The following VPS50 variants were observed in gnomAD, a reference collection of about 807,000 sequenced individuals.
VPS50 encodes syndetin.
Under a neutral mutation model 139.7 loss-of-function variants are expected in VPS50, and 70 were observed. The observed-to-expected ratio is 0.50, with a 90% confidence interval of 0.41 to 0.61. The LOEUF (loss-of-function observed/expected upper bound fraction) is 0.61. VPS50 is among the 20% of genes least tolerant of loss of function. The pLI is 0.00. For missense variants in VPS50, 921 were observed against 1,133.7 expected, an observed-to-expected ratio of 0.81 and a Z score of 2.69; for synonymous variants, 365 against 376.7, an observed-to-expected ratio of 0.97 and a Z score of 0.36.
At chr7:93,238,654 C>A (rs1253562334) in intron 1 of VPS50, among the ~76,000 whole-genome samples, 1 of 152,110 alleles carries the variant, frequency 6.6e-6, no homozygotes. Flanking sequence ...AAAACCTATT[C>A]ATTAGGTTTA....
intron 20 of VPS50, among the ~76,000 whole-genome samples, chr7:93,316,586 T>C (rs1797436101): frequency 6.6e-6 from 1 of 152,160 alleles, no homozygotes; most frequent in African/African-American, 2.4e-5. Flanking sequence ...TGATGAGCGA[T>C]CACTCAGATT....
intron 2 of VPS50, among the ~76,000 whole-genome samples, chr7:93,251,811 G>T (rs1365275442): frequency 6.6e-6 from 1 of 152,086 alleles, no homozygotes; most frequent in Non-Finnish European, 1.5e-5. Context: ...TGTATTTGAG[G>T]TTAATTTGAA....
At chr7:93,238,298 CT>C (rs201196412) in intron 1 of VPS50, among the ~76,000 whole-genome samples, 215 of 143,154 alleles carry the variant, frequency 1.5e-3, no homozygotes, top group East Asian at 5.4e-3. Context: ...CTCCTTAGGC[CT>C]TTTTTTTTTT....
At chr7:93,350,563 G>A (rs1167316836) in intron 25 of VPS50, among the ~76,000 whole-genome samples, 1 of 152,160 alleles carries the variant, frequency 6.6e-6, no homozygotes, top group Non-Finnish European at 1.5e-5. Context: ...CACGCTGATA[G>A]AAGTGCTGGC....
At chr7:93,233,240 C>G (rs1195407255) in intron 1 of VPS50, among the ~76,000 whole-genome samples, 1 of 152,098 alleles carries the variant, frequency 6.6e-6, no homozygotes, top group African/African-American at 2.4e-5. Flanking sequence ...CAGAAATTTT[C>G]TTTTATGTAC....
intron 13 of VPS50, among the ~76,000 whole-genome samples, chr7:93,294,202 C>T (rs889920058): frequency 6.6e-6 from 1 of 151,842 alleles, no homozygotes; most frequent in Non-Finnish European, 1.5e-5. Context: ...GTTAATTGGT[C>T]CTGTAATGCC....
At chr7:93,350,077 A>T (rs1427852435) in intron 25 of VPS50, 44 bp downstream of exon 25, 1 of 1,422,132 alleles carries the variant, frequency 7.0e-7, no homozygotes, top group Admixed American at 1.8e-5. Flanking sequence ...CAATCTACTA[A>T]GAGAAGTGTT....
intron 8 of VPS50, chr7:93,259,338 A>G (rs1795594737): frequency 2.6e-6 from 1 of 385,274 alleles, no homozygotes; most frequent in Non-Finnish European, 4.6e-6. Context: ...AAGGAATAGA[A>G]TATTTTAAAT....
At chr7:93,255,225 C>T (rs1045127256) in intron 4 of VPS50, among the ~76,000 whole-genome samples, 1 of 151,794 alleles carries the variant, frequency 6.6e-6, no homozygotes, top group Non-Finnish European at 1.5e-5. Context: ...CAGTGGAATC[C>T]CTGAGCTTGT....
At chr7:93,243,840 A>G (rs1242855752) in intron 2 of VPS50, among the ~76,000 whole-genome samples, 2 of 151,906 alleles carry the variant, frequency 1.3e-5, no homozygotes, top group Non-Finnish European at 2.9e-5. Flanking sequence ...ACCTTATAAA[A>G]TCTACATCCA....
intron 3 of VPS50, 64 bp downstream of exon 3, chr7:93,252,839 T>C (rs1226875259): frequency 3.0e-6 from 4 of 1,313,874 alleles, no homozygotes; most frequent in Non-Finnish European, 4.2e-6. Context: ...ATTTATGAGA[T>C]TTGAATACTT....
chr7:93,255,280 A>G (rs1376181036), intron 4 of VPS50, among the ~76,000 whole-genome samples: 1 of 152,216 alleles, frequency 6.6e-6, no homozygotes. Context: ...ACAGTGACAG[A>G]TCATCAGGCA....
At chr7:93,264,686 G>A (rs1795787565) in intron 9 of VPS50, among the ~76,000 whole-genome samples, 1 of 152,146 alleles carries the variant, frequency 6.6e-6, no homozygotes, top group Non-Finnish European at 1.5e-5. Context: ...ACGTCATATG[G>A]CAAATGAACA....
rs185239122 is a variant in VPS50 at position 93,351,160 on chromosome 7, A to C, written c.2463+1127A>C. The stretch of plus-strand genomic sequence containing the variant: ...CTAATTGTGCCAACATCAGTAACCA[A>C]TTGCTAGGAGTTTCCATAGAGATCT... On this transcript the variant is annotated intron_variant, in intron 25 of 27. Coordinates refer to ENST00000305866, the MANE Select transcript of VPS50 (RefSeq NM_017667.4). Among the ~76,000 whole-genome samples, 8 of 152,222 alleles carry C rather than the reference A, an allele frequency of 5.3e-5. No homozygotes were observed. In the East Asian group the frequency reaches 1.6e-3, roughly 30 times the overall value.
rs1485000197 is a variant in VPS50, at chr7:93,271,198, CTGT to C, written c.660-20_660-18del. Reference sequence around the variant, plus strand: ...AGTTTGTCTCAGAAATAGAAAAAAACTGTTTTTTTTTTTTTTAATAGTGAACTG... The same window carrying C: ...AGTTTGTCTCAGAAATAGAAAAAAACTTTTTTTTTTTTTAATAGTGAACTG... On this transcript the variant is annotated intron_variant, in intron 9 of 27. Transcript: ENST00000305866. 14 of 1,519,142 alleles carry C rather than the reference CTGT, an allele frequency of 9.2e-6. No individual in the cohort carries two copies. The highest frequency in any genetic ancestry group is 2.4e-5 in the East Asian group (1 of 40,926). The allele number at this position is 1,519,142 out of a possible 1,614,324, so 94.1% of individuals were successfully genotyped here. A position where few individuals can be genotyped will look rare whatever the true frequency, so the allele number is the denominator to read the frequency against.
chr7:93,297,276 T>C (rs760972863), intron 16 of VPS50, 33 bp downstream of exon 16: 8 of 1,494,576 alleles, frequency 5.4e-6, no homozygotes, highest in Non-Finnish European at 7.1e-6. Context: ...AATCGACTTA[T>C]TTAGGTAATG....
intron 9 of VPS50, 39 bp downstream of exon 9, chr7:93,259,671 C>A: frequency 9.7e-7 from 1 of 1,028,034 alleles, no homozygotes; most frequent in Non-Finnish European, 1.5e-6. Context: ...ATTCTGTTGT[C>A]AGCTTCTTAT....
chr7:93,258,501 TA>T, intron 8 of VPS50, 109 bp downstream of exon 8: 1 of 827,122 alleles, frequency 1.2e-6, no homozygotes, highest in Non-Finnish European at 2.0e-6. Flanking sequence ...ATATAAAGAA[TA>T]TTTTTAGACA....
chr7:93,308,965 G>A (rs760456552), intron 19 of VPS50, 23 bp downstream of exon 19: 3 of 1,217,036 alleles, frequency 2.5e-6, no homozygotes, highest in South Asian at 2.5e-5. Flanking sequence ...AAATTGTGTG[G>A]TATTTAGCAT....
Sources: allele counts gnomAD v4.1 joint callset (sites outside exome capture counted in the v4.1 genomes callset), GRCh38; gene constraint gnomAD v4.1.1; transcripts MANE v1.5; gene names NCBI Gene and HGNC (gene_info 2026-07-23, HGNC 2026-07-21).